Variants in RAD23A observed in about 807,000 individuals in gnomAD.
RAD23A encodes RAD23 nucleotide excision repair protein A.
A neutral mutation model predicts 44.8 loss-of-function variants in RAD23A; 16 were observed. The ratio of observed to expected loss-of-function variants is 0.36; its 90% confidence interval spans 0.24 to 0.54. RAD23A has a LOEUF of 0.54. Ranked by LOEUF, RAD23A falls within the 20% of genes least tolerant of loss-of-function variation. The pLI is 0.89. For synonymous variants in RAD23A, 217 were observed against 202.9 expected (o/e 1.07, Z -0.59); for missense variants, 380 against 483.3 (o/e 0.79, Z 2.00).
intron 7 of RAD23A, chr19:12,952,231 A>AG (rs1971833307): frequency 6.3e-6 from 1 of 158,548 alleles, no homozygotes; most frequent in African/African-American, 2.4e-5. Context: ...TATTCAAGAC[A>AG]GGGTCTTGCT....
chr19:12,947,136 C>T (rs1689746732), intron 1 of RAD23A, among the ~76,000 whole-genome samples: 2 of 152,220 alleles, frequency 1.3e-5, no homozygotes, highest in Non-Finnish European at 2.9e-5. Flanking sequence ...TACAGTAGCA[C>T]TATTGGCCAG....
Position 12,948,831 on chromosome 19 carries a change from C to A in RAD23A, c.600+18C>A. 6.3e-7 allele frequency: 1 copy of A among 1,586,326 alleles called. No individual in the cohort carries two copies. ...TGCTCACGGTGAGGTGGGGCTTCCG[C>A]CTCCCGGGGAGGCCTTGAGGGAGTA... On this transcript the variant is annotated intron_variant, in intron 5 of 8. Coordinates refer to ENST00000586534, the MANE Select transcript of RAD23A (RefSeq NM_005053.4). This position sits in a 1 kb window ranked among gnomAD's most constrained non-coding sequence, Gnocchi z 5.5.
rs1971864999 is a variant in RAD23A, at chr19:12,953,236, CCAGA to C, written c.*191_*194del. The C allele has an allele frequency of 2.2e-6, 1 of 446,194 alleles. No homozygotes were observed. The allele number at this position is 446,194 out of a possible 1,614,324, so 27.6% of individuals were successfully genotyped here. On this transcript the variant is annotated 3_prime_UTR_variant, in exon 9 of 9. Transcript: ENST00000586534. ...GTGGCCCCTGTTCCCATCTCCCGGG[CCAGA>C]CAGCTGTCCCCCCGTCCTCCTCCCC... is the stretch of plus-strand genomic sequence containing the variant.
chr19:12,952,578 G>C (rs990286793), intron 7 of RAD23A, 111 bp from the exon 8 acceptor site: 1 of 1,258,118 alleles, frequency 7.9e-7, no homozygotes, highest in Admixed American at 2.4e-5. Flanking sequence ...GCCAGAACAG[G>C]CTCCTCTGGA....
intron 1 of RAD23A, among the ~76,000 whole-genome samples, chr19:12,946,524 G>A (rs937986409): frequency 1.3e-5 from 2 of 152,176 alleles, no homozygotes; most frequent in African/African-American, 4.8e-5. Flanking sequence ...ATCAGTCACC[G>A]AGTGTTGTAG....
At chr19:12,949,587 AC>A in intron 7 of RAD23A, 179 bp downstream of exon 7, 1 of 761,690 alleles carries the variant, frequency 1.3e-6, no homozygotes, top group Non-Finnish European at 2.1e-6. Context: ...AGTCTTCCCA[AC>A]CACCTTGTAA....
At chr19:12,951,983 C>G (rs1971824409) in intron 7 of RAD23A, among the ~76,000 whole-genome samples, 2 of 152,090 alleles carry the variant, frequency 1.3e-5, no homozygotes. Context: ...AGTGCAGTGG[C>G]ACAGTCTCGG....
rs760520920 is a variant in RAD23A, at chr19:12,952,699, G to T, written c.824G>T (p.Arg275Leu). The T allele has an allele frequency of 9.3e-6, 15 of 1,610,118 alleles. No individual in the cohort carries two copies. Among genetic ancestry groups the T allele is most frequent in the Middle Eastern group, 2.2e-4 (1 of 4,578 alleles). Residue 275 changes from arginine to leucine, a missense_variant, in exon 8 of 9, where the codon CGG becomes CTG. This residue lies in a region of RAD23A where 279 missense variants were observed against 313.7 expected (regional missense o/e 0.89). Transcript: ENST00000586534. ...ENPQLLQQIS[R>L]HQEQFIQMLN... Reference sequence around the variant, plus strand: ...CACCCTCTCCTGCAGCAAATCAGCCGGCACCAGGAGCAGTTCATCCAGATG... The same window carrying T: ...CACCCTCTCCTGCAGCAAATCAGCCTGCACCAGGAGCAGTTCATCCAGATG...
intron 7 of RAD23A, among the ~76,000 whole-genome samples, chr19:12,951,324 A>C (rs972290133): frequency 6.6e-6 from 1 of 152,072 alleles, no homozygotes; most frequent in African/African-American, 2.4e-5. Flanking sequence ...TTCCCATGTA[A>C]CTGTCACCAC....
chr19:12,952,411 C>T (rs1163311392), intron 7 of RAD23A: 5 of 328,956 alleles, frequency 1.5e-5, no homozygotes, highest in Non-Finnish European at 2.3e-5. Context: ...AGGCTGGACT[C>T]GAACTCCTGA....
At chr19:12,946,496 G>A (rs552739953) in intron 1 of RAD23A, among the ~76,000 whole-genome samples, 85 of 152,324 alleles carry the variant, frequency 5.6e-4, no homozygotes, top group Middle Eastern at 6.8e-3. Context: ...GTCCGTGTTT[G>A]TTGGCCGTTT....
intron 1 of RAD23A, 105 bp downstream of exon 1, chr19:12,946,125 G>A: frequency 8.6e-7 from 1 of 1,162,520 alleles, no homozygotes; most frequent in Non-Finnish European, 1.2e-6. Context: ...GGACGGCGCG[G>A]GTCGGCCCTG....
At chr19:12,951,592 A>G (rs1398203390) in intron 7 of RAD23A, among the ~76,000 whole-genome samples, 2 of 152,170 alleles carry the variant, frequency 1.3e-5, no homozygotes, top group Admixed American at 6.5e-5. Context: ...GATTACAGGC[A>G]TGTGCCACCA....
rs1018065445 is a variant in RAD23A, at chr19:12,952,786, T to C, written c.911T>C (p.Ile304Thr). Reference protein sequence around the residue: ...ISDVEGEVGAIGEEAPQMNYI... With the variant: ...ISDVEGEVGATGEEAPQMNYI... ...GATGTGGAGGGGGAGGTGGGCGCCA[T>C]AGGAGAGGAGGCCCCGCAGATGAAC... Residue 304 changes from isoleucine (I) to threonine (T), a missense_variant, in exon 8 of 9, where the codon ATA becomes ACA. Physicochemically the swap from Ile to Thr is moderately conservative, Grantham distance 89. This residue lies in a region of RAD23A where 279 missense variants were observed against 313.7 expected (regional missense o/e 0.89). Transcript: ENST00000586534. 3 of 1,612,668 alleles carry C rather than the reference T, an allele frequency of 1.9e-6. No individual in the cohort carries two copies. Among genetic ancestry groups the C allele is most frequent in the African/African-American group, 2.7e-5 (2 of 74,742 alleles).
intron 1 of RAD23A, 134 bp from the exon 2 acceptor site, chr19:12,947,714 T>G (rs1971704053): frequency 1.3e-6 from 1 of 768,930 alleles, no homozygotes; most frequent in Non-Finnish European, 2.2e-6. Flanking sequence ...TAGCATGCTT[T>G]AGATGCTGAG....
Position 12,948,563 on chromosome 19 carries a change from G to C in RAD23A, c.472+11G>C, listed in dbSNP as rs527819221. ...CGGCCTCCACGCTAGGTGGGTGGGT[G>C]GTCCCCAGGGCAGAGGTGACTGGGT... On this transcript the variant is annotated intron_variant, in intron 4 of 8. Transcript: ENST00000586534. The surrounding 1 kb of genome is among the most constrained non-coding windows in gnomAD (Gnocchi z 5.5). 2.1e-5 allele frequency: 34 copies of C among 1,589,358 alleles called. No homozygotes were observed. The South Asian group carries it at 2.6e-4, about 12-fold the overall frequency.
Position 12,948,706 on chromosome 19 carries a change from A to G in RAD23A, c.493A>G (p.Thr165Ala). 6.2e-7 allele frequency: 1 copy of G among 1,613,072 alleles called. No homozygotes were observed. Among genetic ancestry groups the G allele is most frequent in the South Asian group, 1.1e-5 (1 of 91,040 alleles). Residue 165 changes from threonine (T) to alanine (A), a missense_variant, in exon 5 of 9, where the codon ACG becomes GCG. Around this residue, in one of 3 missense-constraint regions of RAD23A, gnomAD observed 279 missense variants for 313.7 expected, o/e 0.89. Coordinates refer to ENST00000586534, the MANE Select transcript of RAD23A (RefSeq NM_005053.4). The surrounding 1 kb of genome is among the most constrained non-coding windows in gnomAD (Gnocchi z 5.5). ...CACAGTGACGGGCTCTGAGTATGAG[A>G]CGATGCTGACGGAGATCATGTCCAT... ...STLVTGSEYE[T>A]MLTEIMSMGY...
In RAD23A at chr19:12,948,338, G is replaced by A. The variant is rs768284416; in HGVS notation, c.396G>A (p.Thr132=). The A allele has an allele frequency of 3.1e-6, 5 of 1,593,602 alleles. No homozygotes were observed. The South Asian group carries it at 3.4e-5, about 11-fold the overall frequency. ...CATCAGAGGAATCCGCCCCCACGAC[G>A]TCCCCAGAGTCTGTGTCAGGGTAAG... ...KSPSEESAPT[T]SPESVSGSVP... Residue 132 remains threonine, a synonymous_variant, in exon 3 of 9, where the codon ACG becomes ACA. Transcript: ENST00000586534. The surrounding 1 kb of genome is among the most constrained non-coding windows in gnomAD (Gnocchi z 5.5).
chr19:12,947,304 T>C (rs1280608677), intron 1 of RAD23A, among the ~76,000 whole-genome samples: 1 of 152,158 alleles, frequency 6.6e-6, no homozygotes, highest in East Asian at 1.9e-4. Flanking sequence ...GTGTGTACCT[T>C]TAGTCCTAGC....
Sources: gnomAD v4.1 joint callset for allele counts (sites outside exome capture counted in the v4.1 genomes callset) on GRCh38, gnomAD v4.1.1 for gene constraint, gnomAD v4.1.1 regional missense constraint, Gnocchi (gnomAD v3.1) non-coding constraint, MANE v1.5 for transcripts, NCBI Gene and HGNC (gene_info 2026-07-23, HGNC 2026-07-21) for gene names.